MGAM: variants seen among roughly 807,000 people sequenced by gnomAD.
The protein encoded by MGAM is alpha-1,4-glucosidase.
A neutral mutation model predicts 358.8 loss-of-function variants in MGAM; 253 were observed. The observed-to-expected ratio is 0.71, with a 90% confidence interval of 0.64 to 0.78. The LOEUF (loss-of-function observed/expected upper bound fraction) is 0.78. Among genes scored for constraint, MGAM ranks in the 30% least tolerant of loss-of-function variants. The probability of loss-of-function intolerance (pLI) is 0.00; values close to 1 mark genes in which losing one functional copy is unlikely to be tolerated. For synonymous variants in MGAM, 1,105 were observed against 1,227.1 expected, an observed-to-expected ratio of 0.90 and a Z score of 2.08; for missense variants, 3,080 against 3,432.6, an observed-to-expected ratio of 0.90 and a Z score of 2.57.
At chr7:142,022,224 A>C in intron 6 of MGAM, 44 bp from the exon 7 acceptor site, 1 of 1,550,580 alleles carries the variant, frequency 6.4e-7, no homozygotes, top group African/African-American at 1.4e-5. Flanking sequence ...CGTTCTCTCC[A>C]CCCTGCTTGC....
intron 15 of MGAM, 76 bp from the exon 16 acceptor site, chr7:142,034,594 T>C: frequency 7.4e-7 from 1 of 1,355,014 alleles, no homozygotes; most frequent in Non-Finnish European, 1.0e-6. Context: ...TAATGTCTTT[T>C]GTATTGTTGC....
chr7:142,031,453 G>A (rs565786305), intron 12 of MGAM, among the ~76,000 whole-genome samples: 5 of 152,098 alleles, frequency 3.3e-5, no homozygotes, highest in African/African-American at 4.8e-5. Context: ...CTTTATCCAC[G>A]AATTTATTCA....
intron 35 of MGAM, 70 bp downstream of exon 35, chr7:142,062,772 C>T: frequency 1.3e-6 from 2 of 1,586,548 alleles, no homozygotes; most frequent in Non-Finnish European, 1.7e-6. Flanking sequence ...ATATGTACCA[C>T]TGACCTTCAA....
Position 142,068,593 on chromosome 7 carries a change from A to C in MGAM, c.5005-54A>C, listed in dbSNP as rs575219667. ...CACCTCTTTCCTAAGCAGTTTGGTT[A>C]CTCTGTCCTGGAAAATGGTGGCACT... is the stretch of plus-strand genomic sequence containing the variant. On this transcript the variant is annotated intron_variant, in intron 42 of 70. Coordinates refer to ENST00000475668, the MANE Select transcript of MGAM (RefSeq NM_001365693.1). The C allele has an allele frequency of 2.1e-5, 28 of 1,320,830 alleles. 1 individual carries two copies. The African/African-American group carries it at 3.9e-4, about 18-fold the overall frequency. The allele number at this position is 1,320,830 out of a possible 1,614,324, so 81.8% of individuals were successfully genotyped here.
chr7:142,084,204 T>A lies in MGAM; in HGVS notation c.6382-315T>A, dbSNP rs1049453787. Reference sequence around the variant, plus strand: ...GATTACTTAATTTTTGCCTAAGGTCTCACAGCTAGCAGGACTGGAGCCTGT... The same window carrying A: ...GATTACTTAATTTTTGCCTAAGGTCACACAGCTAGCAGGACTGGAGCCTGT... On this transcript the variant is annotated intron_variant, in intron 53 of 70. Coordinates refer to ENST00000475668, the MANE Select transcript of MGAM (RefSeq NM_001365693.1). Among the ~76,000 whole-genome samples, 10 of 146,190 alleles carry A rather than the reference T, an allele frequency of 6.8e-5. 1 individual carries two copies. The East Asian group carries it at 1.4e-3, about 21-fold the overall frequency.
upstream of MGAM, among the ~76,000 whole-genome samples, chr7:141,991,258 G>A (rs1402280609): frequency 6.6e-6 from 1 of 152,134 alleles, no homozygotes; most frequent in Non-Finnish European, 1.5e-5. Flanking sequence ...TATTCTCATA[G>A]TGCCTTGTTT....
In MGAM at chr7:142,084,861, G is replaced by C. The variant is rs570826805; in HGVS notation, c.6507+217G>C. On this transcript the variant is annotated intron_variant, in intron 54 of 70. Transcript: ENST00000475668. Reference sequence around the variant, plus strand: ...CAAGACTTACTGTGATTTCCCAGAGGGGGAGATAAGCTGGCTCCAGGGCTC... The same window carrying C: ...CAAGACTTACTGTGATTTCCCAGAGCGGGAGATAAGCTGGCTCCAGGGCTC... Among the ~76,000 whole-genome samples the C allele has an allele frequency of 3.4e-5, 5 of 146,620 alleles. 1 individual carries two copies. The South Asian group carries it at 8.7e-4, about 26-fold the overall frequency.
In MGAM at chr7:142,094,520, C is replaced by T. The variant is rs766790113; in HGVS notation, c.7306+23C>T. The T allele has an allele frequency of 2.4e-5, 38 of 1,553,042 alleles. 5 individuals are homozygous for T. The highest frequency in any genetic ancestry group is 1.7e-4 in the Middle Eastern group (1 of 5,952). On this transcript the variant is annotated intron_variant, in intron 61 of 70. Transcript: ENST00000475668. ...TTGGTGCGTGGGTCCTTCCCAGGGCCTGTGCCGGTAGGGCAGGGAGTTGGG... is the reference window on the plus strand; with the variant it reads ...TTGGTGCGTGGGTCCTTCCCAGGGCTTGTGCCGGTAGGGCAGGGAGTTGGG...
rs1554452067 is a variant in MGAM, at chr7:142,005,568, A to G, written c.38A>G (p.Glu13Gly). The G allele has an allele frequency of 6.3e-7, 1 of 1,577,174 alleles. No individual in the cohort carries two copies. Among genetic ancestry groups the G allele is most frequent in the East Asian group, 2.3e-5 (1 of 43,840 alleles). ...AAGCTGAAAAAATTTACTACTTTGG[A>G]GATTGTGCTCAGTGTTCTTCTGCTT... The part of the protein sequence containing the change: ...RKKLKKFTTL[E>G]IVLSVLLLVL... The change falls in exon 2 of 71, where the codon GAG becomes GGG. Residue 13 changes from glutamate (E) to glycine (G), a missense_variant. This residue lies in a region of MGAM where 1,816 missense variants were observed against 1,840.5 expected (regional missense o/e 0.99). Coordinates refer to ENST00000475668, the MANE Select transcript of MGAM (RefSeq NM_001365693.1).
At position 142,090,410 on chromosome 7, in the gene MGAM, G is replaced by T; in HGVS notation, c.6811-1503G>T. On this transcript the variant is annotated intron_variant, in intron 57 of 70. Transcript: ENST00000475668. Reference sequence around the variant, plus strand: ...CCTGATCTGGAGCTCTCTGTTTCTGGTGAAAGATTCTCTTTGTCAGGTTTC... The same window carrying T: ...CCTGATCTGGAGCTCTCTGTTTCTGTTGAAAGATTCTCTTTGTCAGGTTTC... Among the ~76,000 whole-genome samples the T allele has an allele frequency of 1.4e-5, 2 of 145,374 alleles. 1 individual carries two copies. The highest frequency in any genetic ancestry group is 3.1e-5 in the Non-Finnish European group (2 of 64,252).
rs115294234 is a variant in MGAM, at chr7:142,054,825, C to A, written c.3231C>A (p.Thr1077=). ...ACATACCCAGCATGCCATCCAGCAC[C>A]CCTGAGGGTCAACTCTATGATGTGC... ...PLNIPSMPSS[T]PEGQLYDVLI... Residue 1077 remains threonine, a synonymous_variant, in exon 27 of 71, where the codon ACC becomes ACA. Transcript: ENST00000475668. 1.9e-6 allele frequency: 3 copies of A among 1,613,778 alleles called. No individual in the cohort carries two copies. In the African/African-American group the frequency reaches 4.0e-5, roughly 22 times the overall value.
intron 21 of MGAM, among the ~76,000 whole-genome samples, chr7:142,045,239 C>A (rs1236096231): frequency 3.9e-4 from 5 of 12,664 alleles, no homozygotes; most frequent in Non-Finnish European, 3.6e-4. Flanking sequence ...TATTATATAT[C>A]ATATAATATA....
chr7:142,065,283 C>T, intron 37 of MGAM, 52 bp from the exon 38 acceptor site: 1 of 1,581,840 alleles, frequency 6.3e-7, no homozygotes, highest in Non-Finnish European at 8.6e-7. Context: ...AGCTCTATGG[C>T]CTTTACTCCC....
chr7:141,991,518 C>T (rs1803947759), upstream of MGAM, among the ~76,000 whole-genome samples: 1 of 151,756 alleles, frequency 6.6e-6, no homozygotes. Flanking sequence ...CTCACTGCAC[C>T]CTCCGCCTCC....
At chr7:142,088,964 CTATGTATGTATG>C (rs57009731) in intron 57 of MGAM, among the ~76,000 whole-genome samples, 3 of 116,740 alleles carry the variant, frequency 2.6e-5, no homozygotes, top group Non-Finnish European at 3.8e-5. Context: ...TCATCTATCT[CTATGTATGTATG>C]TATGTATGTA....
intron 3 of MGAM, among the ~76,000 whole-genome samples, chr7:142,011,824 G>A (rs1805623479): frequency 2.0e-5 from 3 of 152,110 alleles, no homozygotes; most frequent in Non-Finnish European, 4.4e-5. Flanking sequence ...CTGGATTATG[G>A]GAATGGCAGA....
intron 21 of MGAM, among the ~76,000 whole-genome samples, chr7:142,042,662 C>G (rs1200834589): frequency 3.6e-4 from 1 of 2,770 alleles, no homozygotes; most frequent in African/African-American, 2.9e-3. Context: ...ATTATATATA[C>G]ATATTATATA....
chr7:142,049,853 G>A (rs1810769229), intron 22 of MGAM, among the ~76,000 whole-genome samples: 1 of 152,154 alleles, frequency 6.6e-6, no homozygotes, highest in Admixed American at 6.6e-5. Context: ...TGGTGAGAAT[G>A]TAAATTGTTA....
rs73524555 is a variant in MGAM at position 142,091,834 on chromosome 7, G to A, written c.6811-79G>A. ...CACCATGCAGTTGAAGTATTTGTGC[G>A]AGTTGCATTCTCAGTAAGTGCCTGT... On this transcript the variant is annotated intron_variant, in intron 57 of 70. Coordinates refer to ENST00000475668, the MANE Select transcript of MGAM (RefSeq NM_001365693.1). The A allele has an allele frequency of 0.024, 32,815 of 1,345,468 alleles. 5,575 individuals are homozygous for A. In the African/African-American group the frequency reaches 0.34, roughly 14 times the overall value. 83.3% of individuals were successfully genotyped at this position (1,345,468 alleles called of 1,614,324 possible).
Sources: allele counts gnomAD v4.1 joint callset (sites outside exome capture counted in the v4.1 genomes callset), GRCh38; gene constraint gnomAD v4.1.1; regional missense constraint gnomAD v4.1.1; transcripts MANE v1.5; gene names NCBI Gene and HGNC (gene_info 2026-07-23, HGNC 2026-07-21).